BBS9: variants seen among roughly 807,000 people sequenced by gnomAD.
BBS9 encodes the protein protein PTHB1.
A neutral mutation model predicts 117.7 loss-of-function variants in BBS9; 89 were observed. That is an observed-to-expected ratio of 0.76 (90% CI 0.64 to 0.90). The LOEUF (loss-of-function observed/expected upper bound fraction) is 0.90. Ranked by LOEUF, BBS9 falls within the 40% of genes least tolerant of loss-of-function variation. The probability of loss-of-function intolerance (pLI) is 0.00; values close to 1 mark genes in which losing one functional copy is unlikely to be tolerated. For missense variants in BBS9, 982 were observed against 1,042.2 expected, an observed-to-expected ratio of 0.94 and a Z score of 0.80; for synonymous variants, 379 against 370.9, an observed-to-expected ratio of 1.02 and a Z score of -0.25.
intron 19 of BBS9, among the ~76,000 whole-genome samples, chr7:33,425,470 T>C (rs1833529147): frequency 6.6e-6 from 1 of 152,222 alleles, no homozygotes. Context: ...AAGCCCAGCA[T>C]GCATTAGCTG....
At chr7:33,534,217 C>T (rs575538654) in intron 21 of BBS9, 41 bp downstream of exon 21, 422 of 1,578,200 alleles carry the variant, frequency 2.7e-4, no homozygotes, top group Non-Finnish European at 3.5e-4. Context: ...AATTGTACTT[C>T]TCCTAAATTA....
intron 9 of BBS9, among the ~76,000 whole-genome samples, chr7:33,283,243 T>G (rs747227066): frequency 2.0e-5 from 3 of 152,210 alleles, no homozygotes; most frequent in Non-Finnish European, 2.9e-5. Context: ...ATTTGGACAT[T>G]CCATTTGGTT....
chr7:33,554,860 G>A (rs147594260), intron 21 of BBS9, among the ~76,000 whole-genome samples: 187 of 152,162 alleles, frequency 1.2e-3, no homozygotes, highest in Non-Finnish European at 2.3e-3. Flanking sequence ...CAGGTGGAAG[G>A]GCAAGAGCCA....
At chr7:33,297,345 C>T (rs1805481006) in intron 9 of BBS9, among the ~76,000 whole-genome samples, 1 of 152,092 alleles carries the variant, frequency 6.6e-6, no homozygotes, top group South Asian at 2.1e-4. Flanking sequence ...ATGGAACATA[C>T]CATGTGATAT....
chr7:33,132,213 G>T (rs757191025), intron 1 of BBS9, among the ~76,000 whole-genome samples: 2 of 152,200 alleles, frequency 1.3e-5, no homozygotes, highest in Non-Finnish European at 2.9e-5. Flanking sequence ...TAGGCCGTTT[G>T]TTTAGGGTTC....
intron 7 of BBS9, among the ~76,000 whole-genome samples, chr7:33,267,292 T>C (rs1486877854): frequency 2.6e-5 from 4 of 152,198 alleles, no homozygotes. Flanking sequence ...TGAATCTGTT[T>C]GTCCCTTTAT....
chr7:33,556,250 C>G (rs1855276472), intron 21 of BBS9, among the ~76,000 whole-genome samples: 1 of 152,184 alleles, frequency 6.6e-6, no homozygotes, highest in African/African-American at 2.4e-5. Context: ...AATTTGTTCT[C>G]TATCTGGAAC....
intron 20 of BBS9, among the ~76,000 whole-genome samples, chr7:33,518,516 T>A (rs1848148332): frequency 6.6e-6 from 1 of 152,132 alleles, no homozygotes; most frequent in African/African-American, 2.4e-5. Context: ...CCCAAAGTGC[T>A]GGGATTACAG....
intron 9 of BBS9, among the ~76,000 whole-genome samples, chr7:33,294,124 T>C (rs946796611): frequency 1.3e-5 from 2 of 152,212 alleles, no homozygotes; most frequent in Admixed American, 1.3e-4. Context: ...TAATTTATTT[T>C]ACATTATATG....
At chr7:33,454,664 A>G (rs1427970138) in intron 19 of BBS9, among the ~76,000 whole-genome samples, 1 of 152,248 alleles carries the variant, frequency 6.6e-6, no homozygotes, top group Non-Finnish European at 1.5e-5. Context: ...CACCTCAATC[A>G]TAATGGCTAC....
intron 5 of BBS9, among the ~76,000 whole-genome samples, chr7:33,197,098 G>A (rs546798594): frequency 1.3e-5 from 2 of 151,870 alleles, no homozygotes; most frequent in Non-Finnish European, 2.9e-5. Context: ...AGGTTTCTTA[G>A]TGTTGTTTGA....
At chr7:33,189,883 T>TAA (rs372582478) in intron 5 of BBS9, among the ~76,000 whole-genome samples, 50 of 127,132 alleles carry the variant, frequency 3.9e-4, no homozygotes, top group Non-Finnish European at 4.4e-4. Context: ...GACTCTGTCT[T>TAA]AAAAAAAAAA....
At chr7:33,390,644 A>G in intron 19 of BBS9, 1 of 959,948 alleles carries the variant, frequency 1.0e-6, no homozygotes, top group Middle Eastern at 5.3e-4. Context: ...AGTCTATTTT[A>G]ATTCCGTTTA....
At chr7:33,533,183 A>G (rs1563317508) in intron 20 of BBS9, among the ~76,000 whole-genome samples, 3 of 152,140 alleles carry the variant, frequency 2.0e-5, no homozygotes, top group Admixed American at 6.5e-5. Flanking sequence ...TCCCCATGCC[A>G]GTCCTGCTGG....
At chr7:33,264,078 A>G (rs1032964474) in intron 6 of BBS9, among the ~76,000 whole-genome samples, 1 of 152,094 alleles carries the variant, frequency 6.6e-6, no homozygotes, top group Non-Finnish European at 1.5e-5. Flanking sequence ...AATAATGGAC[A>G]TATGGTTATA....
intron 5 of BBS9, among the ~76,000 whole-genome samples, chr7:33,252,452 G>C (rs1481042635): frequency 6.6e-6 from 1 of 152,048 alleles, no homozygotes; most frequent in Non-Finnish European, 1.5e-5. Context: ...GTAGTCTCTA[G>C]GCTTGTTAAA....
chr7:33,272,061 TAA>T (rs751610241), intron 7 of BBS9, among the ~76,000 whole-genome samples: 1 of 152,056 alleles, frequency 6.6e-6, no homozygotes, highest in African/African-American at 2.4e-5. Context: ...TATGCAGCCA[TAA>T]AAAAGAATGA....
chr7:33,157,261 T>G (rs1207455305), intron 4 of BBS9, among the ~76,000 whole-genome samples: 1 of 152,178 alleles, frequency 6.6e-6, no homozygotes, highest in African/African-American at 2.4e-5. Context: ...CAGAAAAACG[T>G]ACTGAAAGAA....
intron 19 of BBS9, among the ~76,000 whole-genome samples, chr7:33,459,568 G>T (rs1839153072): frequency 6.6e-6 from 1 of 152,118 alleles, no homozygotes; most frequent in South Asian, 2.1e-4. Flanking sequence ...GCCAGTTTGT[G>T]CAAGCAGATA....
Sources: gnomAD v4.1 joint callset for allele counts (sites outside exome capture counted in the v4.1 genomes callset) on GRCh38, gnomAD v4.1.1 for gene constraint, MANE v1.5 for transcripts, NCBI Gene and HGNC (gene_info 2026-07-23, HGNC 2026-07-21) for gene names.